Variants in DMD observed in about 807,000 individuals in gnomAD.
The protein encoded by DMD is dystrophin, also known as mutant dystrophin.
Under a neutral mutation model 330.1 loss-of-function variants are expected in DMD, and 63 were observed. That is an observed-to-expected ratio of 0.19 (90% CI 0.16 to 0.24). DMD has a LOEUF of 0.24. Ranked by LOEUF, DMD falls within the 10% of genes least tolerant of loss-of-function variation. The pLI, the probability that DMD is intolerant of heterozygous loss-of-function variation, is 1.00. For synonymous variants in DMD, 1,223 were observed against 959.8 expected (o/e 1.27, Z -5.07); for missense variants, 3,344 against 2,684.1 (o/e 1.25, Z -5.43).
chrX:31,441,589 G>T (rs1230337550), intron 60 of DMD, among the ~76,000 whole-genome samples: 5 of 110,121 alleles, frequency 4.5e-5, no homozygotes, highest in African/African-American at 1.7e-4. Flanking sequence ...GATTGACATA[G>T]CATTGTGACT....
intron 9 of DMD, among the ~76,000 whole-genome samples, chrX:32,662,546 T>C (rs1174057919): frequency 8.9e-6 from 1 of 112,060 alleles, no homozygotes; most frequent in African/African-American, 3.2e-5. Context: ...GATTGCCTTG[T>C]AAACTTCTTT....
At chrX:31,129,620 C>T (rs2034215160) in intron 77 of DMD, among the ~76,000 whole-genome samples, 1 of 112,031 alleles carries the variant, frequency 8.9e-6, no homozygotes, top group Non-Finnish European at 1.9e-5. Flanking sequence ...CAACTATAGG[C>T]AACATGTAAA....
At chrX:32,726,569 A>G (rs2066906449) in intron 7 of DMD, among the ~76,000 whole-genome samples, 1 of 111,457 alleles carries the variant, frequency 9.0e-6, no homozygotes, top group South Asian at 3.7e-4. Flanking sequence ...TCAGCTATGG[A>G]TGTCTTAGCT....
chrX:33,216,645 T>C (rs1285379334), intron 1 of DMD, among the ~76,000 whole-genome samples: 1 of 112,283 alleles, frequency 8.9e-6, no homozygotes, highest in Non-Finnish European at 1.9e-5. Flanking sequence ...ATTACAATTG[T>C]TTACAGATGA....
chrX:31,128,981 TA>T (rs1474789760), intron 77 of DMD, among the ~76,000 whole-genome samples: 3 of 112,059 alleles, frequency 2.7e-5, no homozygotes, highest in Non-Finnish European at 5.6e-5. Context: ...TCTAAACATT[TA>T]TTTTTTTTTG....
intron 22 of DMD, among the ~76,000 whole-genome samples, chrX:32,471,650 A>G (rs962050520): frequency 8.9e-6 from 1 of 112,035 alleles, no homozygotes; most frequent in East Asian, 2.8e-4. Flanking sequence ...TAATCCAGAG[A>G]TGAGTTAAAG....
At chrX:31,416,262 T>G (rs2061867379) in intron 60 of DMD, among the ~76,000 whole-genome samples, 1 of 112,292 alleles carries the variant, frequency 8.9e-6, no homozygotes, top group Non-Finnish European at 1.9e-5. Flanking sequence ...GATTTTGTAA[T>G]GCATGTAATA....
intron 44 of DMD, among the ~76,000 whole-genome samples, chrX:32,166,800 C>A (rs996461388): frequency 1.8e-5 from 2 of 111,575 alleles, no homozygotes; most frequent in Non-Finnish European, 3.8e-5. Context: ...CATTCCTTGG[C>A]AGTACTTAAA....
chrX:33,020,189 C>G lies in DMD; in HGVS notation c.43G>C (p.Asp15His), dbSNP rs876657780. 13 of 1,172,799 alleles carry G rather than the reference C, an allele frequency of 1.1e-5. No individual in the cohort carries two copies. In the African/African-American group the frequency reaches 1.9e-4, roughly 18 times the overall value. ...TTTGTGAATGTTTTCTTTTGAACAT[C>G]TTCTCTTTCATCTAAAATGCAAAAT... ...EEVEDCYEREDVQKKTFTKWV... is the reference protein window; with the variant it reads ...EEVEDCYEREHVQKKTFTKWV... Residue 15 changes from aspartate to histidine, a missense_variant, in exon 2 of 79, where the codon GAT becomes CAT. Asp to His is a moderately conservative substitution (Grantham distance 81). Transcript: ENST00000357033.
At chrX:32,080,785 A>T (rs1365986240) in intron 44 of DMD, among the ~76,000 whole-genome samples, 1 of 111,564 alleles carries the variant, frequency 9.0e-6, no homozygotes, top group Admixed American at 9.5e-5. Context: ...GCCCCCTTGC[A>T]CAAGGTCATG....
intron 7 of DMD, among the ~76,000 whole-genome samples, chrX:32,722,338 A>G: frequency 3.6e-5 from 4 of 111,231 alleles, no homozygotes; most frequent in Non-Finnish European, 5.7e-5. Context: ...ATATGGTAAC[A>G]ACTATTTCTA....
At chrX:31,297,552 T>C (rs1339122642) in intron 62 of DMD, among the ~76,000 whole-genome samples, 3 of 111,980 alleles carry the variant, frequency 2.7e-5, no homozygotes, top group Non-Finnish European at 5.6e-5. Flanking sequence ...AATCTTTTCA[T>C]CATATAAGAG....
At chrX:33,248,343 G>A (rs1289389101) in intron 1 of DMD, among the ~76,000 whole-genome samples, 3 of 111,988 alleles carry the variant, frequency 2.7e-5, no homozygotes, top group South Asian at 3.6e-4. Flanking sequence ...GCCTGGCCGC[G>A]AGAATAAATA....
chrX:33,050,038 A>G (rs911738033), intron 1 of DMD, among the ~76,000 whole-genome samples: 4 of 111,964 alleles, frequency 3.6e-5, no homozygotes, highest in African/African-American at 1.3e-4. Flanking sequence ...TTCTCTTAAC[A>G]GACATTTACT....
intron 1 of DMD, among the ~76,000 whole-genome samples, chrX:33,048,933 T>C (rs2094424047): frequency 9.0e-6 from 1 of 110,844 alleles, no homozygotes; most frequent in Non-Finnish European, 1.9e-5. Flanking sequence ...TCTCAACTTG[T>C]GCTCTTTCTG....
chrX:32,578,722 A>C (rs187934574), intron 13 of DMD, among the ~76,000 whole-genome samples: 5 of 111,693 alleles, frequency 4.5e-5, no homozygotes, highest in East Asian at 2.8e-4. Context: ...TATGAAACCT[A>C]AACTGTGCCC....
In DMD at chrX:32,827,658, C is replaced by A. The variant is rs950342973; in HGVS notation, c.265-4271G>T. ...ATCCATGTGTTCTTGTTATTAACTC[C>A]CCTTTTTTTTTTTTTTTTTGAGGTG... On this transcript the variant is annotated intron_variant, in intron 4 of 78. Coordinates refer to ENST00000357033, the MANE Select transcript of DMD (RefSeq NM_004006.3). 2.1e-4 allele frequency among the ~76,000 whole-genome samples: 15 copies of A among 71,495 alleles called. No homozygotes were observed. In the East Asian group the frequency reaches 7.9e-3, roughly 38 times the overall value. 62.1% of individuals were successfully genotyped at this position (71,495 alleles called of 115,157 possible). A position where few individuals can be genotyped will look rare whatever the true frequency, so the allele number is the denominator to read the frequency against.
intron 9 of DMD, among the ~76,000 whole-genome samples, chrX:32,663,569 G>A (rs918547764): frequency 5.4e-5 from 6 of 111,505 alleles, no homozygotes; most frequent in Middle Eastern, 4.7e-3. Context: ...CTGTCACTTA[G>A]TACAAATAGT....
At chrX:31,169,407 C>A (rs755219040) in intron 74 of DMD, 36 bp downstream of exon 74, 1 of 1,108,925 alleles carries the variant, frequency 9.0e-7, no homozygotes, top group Non-Finnish European at 1.2e-6. Context: ...TGTATGCACT[C>A]TGCATACCAA....
Sources: allele counts gnomAD v4.1 joint callset (sites outside exome capture counted in the v4.1 genomes callset), GRCh38; gene constraint gnomAD v4.1.1; transcripts MANE v1.5; gene names NCBI Gene and HGNC (gene_info 2026-07-23, HGNC 2026-07-21).